Variants in C16orf74 observed in about 807,000 individuals in gnomAD.
C16orf74 encodes uncharacterized protein C16orf74.
Under a neutral mutation model 6.5 loss-of-function variants are expected in C16orf74, and 10 were observed. The ratio of observed to expected loss-of-function variants is 1.54; its 90% CI spans 0.95 to 2.61. The LOEUF is 2.61. C16orf74 is among the 30% of genes most tolerant of loss of function. The pLI, the probability that C16orf74 is intolerant of heterozygous loss-of-function variation, is 0.00. For missense variants in C16orf74, 141 were observed against 105.9 expected (o/e 1.33, Z -1.45); for synonymous variants, 60 against 42.5 (o/e 1.41, Z -1.60).
chr16:85,743,628 A>C (rs1199654586), intron 1 of C16orf74: 1 of 152,198 alleles, frequency 6.6e-6, no homozygotes, highest in Non-Finnish European at 1.5e-5. Context: ...CTAGAAAATA[A>C]AGATTTAAGG....
chr16:85,743,303 A>C (rs962568510), intron 1 of C16orf74: 1 of 152,222 alleles, frequency 6.6e-6, no homozygotes, highest in Admixed American at 6.5e-5. Flanking sequence ...CATCATCGTC[A>C]TGACAATATC....
intron 1 of C16orf74, among the ~76,000 whole-genome samples, chr16:85,740,372 T>C (rs1233104436): frequency 1.3e-5 from 2 of 149,848 alleles, no homozygotes; most frequent in Non-Finnish European, 3.0e-5. Flanking sequence ...CTGGCCAACA[T>C]GGTGAAACCC....
chr16:85,739,527 G>T (rs773783615), intron 1 of C16orf74, among the ~76,000 whole-genome samples: 10 of 152,184 alleles, frequency 6.6e-5, no homozygotes, highest in Non-Finnish European at 1.3e-4. Context: ...TGAGAGCAGC[G>T]GGATGCTGTT....
intron 2 of C16orf74, among the ~76,000 whole-genome samples, chr16:85,732,128 C>G (rs1014304609): frequency 5.9e-5 from 9 of 152,214 alleles, no homozygotes; most frequent in Non-Finnish European, 1.5e-5. Context: ...GAGGCTGGAG[C>G]TAAGCCCACA....
rs75398836 is a variant in C16orf74 at position 85,748,865 on chromosome 16, T to G, written c.-19+2061A>C. On this transcript the variant is annotated intron_variant, in intron 1 of 3. Transcript: ENST00000284245. ...TCATGGCCTGAACTAGCTTTGCAGG[T>G]TAACTCTGGAATGCCCTTAGCCAAG... Among the ~76,000 whole-genome samples, 376 of 152,122 alleles carry G rather than the reference T, an allele frequency of 2.5e-3. 6 individuals carry two copies. In the East Asian group the frequency reaches 0.033, roughly 13 times the overall value.
At chr16:85,732,194 C>A (rs2054196018) in intron 2 of C16orf74, among the ~76,000 whole-genome samples, 1 of 152,222 alleles carries the variant, frequency 6.6e-6, no homozygotes, top group Non-Finnish European at 1.5e-5. Context: ...CTCCTTAGAG[C>A]TTCCAGAAGA....
chr16:85,728,093 G>T (rs1257658969), intron 2 of C16orf74, among the ~76,000 whole-genome samples: 3 of 152,026 alleles, frequency 2.0e-5, no homozygotes, highest in African/African-American at 7.3e-5. Context: ...ACTTGTGATG[G>T]TACCACTGCA....
At chr16:85,736,998 G>C (rs1359969689) in intron 1 of C16orf74, among the ~76,000 whole-genome samples, 1 of 151,934 alleles carries the variant, frequency 6.6e-6, no homozygotes, top group African/African-American at 2.4e-5. Flanking sequence ...AGCTGAGATC[G>C]TGCCACTGCA....
At chr16:85,733,291 G>A (rs1019782211) in intron 2 of C16orf74, among the ~76,000 whole-genome samples, 1 of 152,236 alleles carries the variant, frequency 6.6e-6, no homozygotes, top group African/African-American at 2.4e-5. Flanking sequence ...GAGTGACGGA[G>A]ACCAGACACA....
At chr16:85,710,397 C>A in intron 2 of C16orf74, 90 bp from the exon 3 acceptor site, 1 of 1,295,988 alleles carries the variant, frequency 7.7e-7, no homozygotes, top group South Asian at 1.6e-5. Flanking sequence ...CGCCACCCTC[C>A]CTTCACTATC....
intron 2 of C16orf74, among the ~76,000 whole-genome samples, chr16:85,732,743 C>A (rs899997247): frequency 6.7e-6 from 1 of 149,980 alleles, no homozygotes; most frequent in African/African-American, 2.4e-5. Context: ...CTTGTGTGGG[C>A]CTCATCACCT....
Position 85,710,155 on chromosome 16 carries a change from C to A in C16orf74, c.172+9G>T, listed in dbSNP as rs550982675. ...CGACCCGGCTTGGCGGTGGAGGGGA[C>A]GGCCTCACCTGTGCTCCCCAAGTCC... On this transcript the variant is annotated intron_variant, in intron 3 of 3. Coordinates refer to ENST00000284245, the MANE Select transcript of C16orf74 (RefSeq NM_206967.3). 4 of 1,418,486 alleles carry A rather than the reference C, an allele frequency of 2.8e-6. No homozygotes were observed. In the Admixed American group the frequency reaches 1.1e-4, roughly 37 times the overall value. 87.9% of individuals were successfully genotyped at this position (1,418,486 alleles called of 1,614,324 possible). A position where few individuals can be genotyped will look rare whatever the true frequency, so the allele number is the denominator to read the frequency against.
intron 1 of C16orf74, among the ~76,000 whole-genome samples, chr16:85,737,391 C>T (rs1207077539): frequency 6.6e-6 from 1 of 152,194 alleles, no homozygotes; most frequent in Non-Finnish European, 1.5e-5. Context: ...GCACATCACC[C>T]AGGAGCTTTA....
At chr16:85,728,860 T>G (rs1314803725) in intron 2 of C16orf74, among the ~76,000 whole-genome samples, 1 of 152,206 alleles carries the variant, frequency 6.6e-6, no homozygotes, top group Non-Finnish European at 1.5e-5. Context: ...CTCGGATCTC[T>G]GACCCCAGAG....
rs1324877462 is a variant in C16orf74 at position 85,707,756 on chromosome 16, C to G, written c.*252G>C. 7.7e-6 allele frequency: 4 copies of G among 521,638 alleles called. No individual in the cohort carries two copies. The highest frequency in any genetic ancestry group is 1.4e-5 in the Non-Finnish European group (4 of 292,802). 32.3% of individuals were successfully genotyped at this position (521,638 alleles called of 1,614,324 possible). A position where few individuals can be genotyped will look rare whatever the true frequency, so the allele number is the denominator to read the frequency against. On this transcript the variant is annotated 3_prime_UTR_variant, in exon 4 of 4. Coordinates refer to ENST00000284245, the MANE Select transcript of C16orf74 (RefSeq NM_206967.3). ...GCCAGGACCATGGCGCTCCCTTTCA[C>G]CAGGCCGGAGTCAGCAAGAACCTGG...
At position 85,715,074 on chromosome 16, in the gene C16orf74, G is replaced by A. The variant is rs546861507; in HGVS notation, c.29-4767C>T. 1.1e-4 allele frequency among the ~76,000 whole-genome samples: 17 copies of A among 151,300 alleles called. No individual in the cohort carries two copies. The South Asian group carries it at 2.7e-3, about 24-fold the overall frequency. On this transcript the variant is annotated intron_variant, in intron 2 of 3. Transcript: ENST00000284245. Reference sequence around the variant, plus strand: ...CGGGAGGCTGAGGCAGGAGAATGGCGTGAACCCGGGAGGCGGAGCTTGCAG... The same window carrying A: ...CGGGAGGCTGAGGCAGGAGAATGGCATGAACCCGGGAGGCGGAGCTTGCAG...
intron 3 of C16orf74, among the ~76,000 whole-genome samples, chr16:85,709,897 G>T (rs577611277): frequency 1.3e-5 from 2 of 151,288 alleles, no homozygotes; most frequent in Non-Finnish European, 3.0e-5. Flanking sequence ...GCGGCGTGGC[G>T]GGCCAGCCCG....
intron 2 of C16orf74, among the ~76,000 whole-genome samples, chr16:85,726,972 CT>C (rs967979538): frequency 2.0e-5 from 3 of 152,202 alleles, no homozygotes; most frequent in African/African-American, 7.2e-5. Flanking sequence ...GATGCCACCC[CT>C]AGCCACCCCG....
At chr16:85,735,108 C>G in intron 2 of C16orf74, 82 bp downstream of exon 2, 1 of 1,270,416 alleles carries the variant, frequency 7.9e-7, no homozygotes, top group Non-Finnish European at 1.1e-6. Context: ...GGGCAGAGGG[C>G]TTCAACTCCC....
Sources: gnomAD v4.1 joint callset for allele counts (sites outside exome capture counted in the v4.1 genomes callset) on GRCh38, gnomAD v4.1.1 for gene constraint, MANE v1.5 for transcripts, NCBI Gene and HGNC (gene_info 2026-07-23, HGNC 2026-07-21) for gene names.